CLVS1: variants seen among roughly 807,000 people sequenced by gnomAD.
CLVS1 encodes the protein clavesin-1.
CLVS1 carries 10 observed loss-of-function variants against 33.1 expected under a neutral mutation model. That is an observed-to-expected ratio of 0.30 (90% CI 0.19 to 0.51). The LOEUF (loss-of-function observed/expected upper bound fraction) is 0.51. Among genes scored for constraint, CLVS1 ranks in the 20% least tolerant of loss-of-function variants. The pLI is 0.97. For missense variants in CLVS1, 343 were observed against 433.4 expected (o/e 0.79, Z 1.85); for synonymous variants, 163 against 166.1 (o/e 0.98, Z 0.14).
chr8:61,061,025 C>T (rs576298106), intron 1 of CLVS1, among the ~76,000 whole-genome samples: 1 of 152,156 alleles, frequency 6.6e-6, no homozygotes, highest in Non-Finnish European at 1.5e-5. Flanking sequence ...ACTTGATGAC[C>T]AGACTCTGTT....
At chr8:61,232,491 A>G (rs1159517890) in intron 2 of CLVS1, among the ~76,000 whole-genome samples, 2 of 152,174 alleles carry the variant, frequency 1.3e-5, no homozygotes, top group Admixed American at 6.5e-5. Context: ...ACCAGGCTCA[A>G]AATAAAATCT....
At chr8:61,290,670 A>C (rs551145372) in intron 1 of CLVS1, among the ~76,000 whole-genome samples, 2 of 152,350 alleles carry the variant, frequency 1.3e-5, no homozygotes, top group Non-Finnish European at 2.9e-5. Context: ...AGAGACTTCC[A>C]TCCTTAGTAA....
intron 2 of CLVS1, among the ~76,000 whole-genome samples, chr8:61,189,398 G>A (rs1001630638): frequency 1.3e-5 from 2 of 152,108 alleles, no homozygotes; most frequent in Admixed American, 6.6e-5. Context: ...AGGAACAACC[G>A]GTACCAGCCA....
At chr8:61,183,592 A>G (rs1021107174) in intron 2 of CLVS1, among the ~76,000 whole-genome samples, 1 of 152,120 alleles carries the variant, frequency 6.6e-6, no homozygotes, top group Non-Finnish European at 1.5e-5. Flanking sequence ...AGCAAGTCCT[A>G]CCTGATAGAG....
chr8:61,485,716 T>C (rs1039276760), intron 5 of CLVS1, among the ~76,000 whole-genome samples: 1 of 152,122 alleles, frequency 6.6e-6, no homozygotes. Context: ...CAATGATAGA[T>C]TGGATTAAGA....
intron 1 of CLVS1, among the ~76,000 whole-genome samples, chr8:61,297,644 T>G (rs1176612948): frequency 1.3e-5 from 2 of 152,158 alleles, no homozygotes; most frequent in African/African-American, 4.8e-5. Flanking sequence ...GGCTGTAGAA[T>G]GTGCAGTCTG....
At chr8:61,079,381 T>C (rs1290253700) in intron 1 of CLVS1, among the ~76,000 whole-genome samples, 1 of 152,248 alleles carries the variant, frequency 6.6e-6, no homozygotes, top group African/African-American at 2.4e-5. Context: ...CCGGAGGTGC[T>C]GACAGCTGGT....
At chr8:61,408,450 CAA>C (rs1203843905) in intron 3 of CLVS1, among the ~76,000 whole-genome samples, 1 of 152,162 alleles carries the variant, frequency 6.6e-6, no homozygotes, top group African/African-American at 2.4e-5. Context: ...TCACCTGCCC[CAA>C]GTCTTTACTA....
chr8:61,468,937 C>T (rs1817648114), intron 5 of CLVS1, among the ~76,000 whole-genome samples: 1 of 152,132 alleles, frequency 6.6e-6, no homozygotes, highest in Non-Finnish European at 1.5e-5. Context: ...GGAGCGATAC[C>T]ACACCCCACG....
At chr8:61,046,727 A>G in the CLVS1 span, among the ~76,000 whole-genome samples, 81 of 151,980 alleles carry the variant, frequency 5.3e-4, no homozygotes, top group African/African-American at 1.7e-3. Context: ...TTGGATTCCT[A>G]GGTATTTTAT....
At chr8:61,373,000 T>C (rs887930160) in intron 2 of CLVS1, among the ~76,000 whole-genome samples, 8 of 152,194 alleles carry the variant, frequency 5.3e-5, no homozygotes, top group Non-Finnish European at 1.0e-4. Flanking sequence ...ACTGTACTCT[T>C]TGAAGGAAGC....
At chr8:61,213,997 C>T (rs533089806) in intron 2 of CLVS1, among the ~76,000 whole-genome samples, 2 of 152,232 alleles carry the variant, frequency 1.3e-5, no homozygotes, top group East Asian at 1.9e-4. Context: ...AAGGTGTGCC[C>T]GTCTCTTATG....
intron 2 of CLVS1, among the ~76,000 whole-genome samples, chr8:61,226,833 C>T (rs1240722867): frequency 1.3e-5 from 2 of 152,032 alleles, no homozygotes; most frequent in South Asian, 2.1e-4. Flanking sequence ...GCGAGGACAT[C>T]GGAAGGCAAT....
At chr8:61,113,228 TGG>T (rs1217124491) in intron 1 of CLVS1, among the ~76,000 whole-genome samples, 1 of 151,990 alleles carries the variant, frequency 6.6e-6, no homozygotes, top group African/African-American at 2.4e-5. Flanking sequence ...CGGGGAGTTG[TGG>T]GGTGATGCAG....
chr8:61,018,752 T>C, the CLVS1 span, among the ~76,000 whole-genome samples: 4 of 152,250 alleles, frequency 2.6e-5, no homozygotes, highest in Non-Finnish European at 4.4e-5. Flanking sequence ...TGGTTGACTT[T>C]GACTTTGGCA....
At chr8:60,967,833 C>A in the CLVS1 span, 4 of 357,642 alleles carry the variant, frequency 1.1e-5, no homozygotes, top group Admixed American at 1.5e-4. Flanking sequence ...GCTCTATCCA[C>A]GGACCAATGA....
At chr8:61,392,958 A>G (rs1364407934) in intron 3 of CLVS1, among the ~76,000 whole-genome samples, 1 of 152,004 alleles carries the variant, frequency 6.6e-6, no homozygotes, top group Admixed American at 6.6e-5. Flanking sequence ...ATCTCGGCTC[A>G]CTGCAACCTC....
intron 2 of CLVS1, among the ~76,000 whole-genome samples, chr8:61,303,754 G>A (rs1810516532): frequency 6.6e-6 from 1 of 152,144 alleles, no homozygotes; most frequent in Non-Finnish European, 1.5e-5. Context: ...CTGTAAGTTG[G>A]GAATGAGAGT....
chr8:61,123,253 G>C lies in CLVS1; in HGVS notation c.-242-8517G>C, dbSNP rs2129290060. On this transcript the variant is annotated intron_variant, in intron 1 of 2. Coordinates refer to the CLVS1 transcript ENST00000522621. The stretch of plus-strand genomic sequence containing the variant: ...CATTGCACTCCAGCCTGGGAAACAA[G>C]AGTGAAACTCTGTCTCAAAATAATA... 1.4e-5 allele frequency among the ~76,000 whole-genome samples: 2 copies of C among 146,936 alleles called. 1 individual carries two copies. The highest frequency in any genetic ancestry group is 4.4e-4 in the South Asian group (2 of 4,570).
Sources: allele counts gnomAD v4.1 joint callset (sites outside exome capture counted in the v4.1 genomes callset), GRCh38; gene constraint gnomAD v4.1.1; transcripts MANE v1.5; gene names NCBI Gene and HGNC (gene_info 2026-07-23, HGNC 2026-07-21).